TBCA: variants seen among roughly 807,000 people sequenced by gnomAD.
The protein encoded by TBCA is tubulin folding cofactor A.
TBCA carries 6 observed loss-of-function variants against 15.8 expected under a neutral mutation model. The ratio of observed to expected loss-of-function variants is 0.38; its 90% confidence interval spans 0.21 to 0.75. The LOEUF is 0.75. TBCA is among the 30% of genes least tolerant of loss of function. The pLI is 0.46. For synonymous variants in TBCA, 32 were observed against 42.3 expected, an observed-to-expected ratio of 0.76 and a Z score of 0.94; for missense variants, 90 against 131.2, an observed-to-expected ratio of 0.69 and a Z score of 1.53.
At chr5:77,711,980 A>C (rs1724603658) in intron 1 of TBCA, among the ~76,000 whole-genome samples, 1 of 152,174 alleles carries the variant, frequency 6.6e-6, no homozygotes, top group Non-Finnish European at 1.5e-5. Context: ...AAGAAAAAAA[A>C]AAAATCAGTC....
At chr5:77,765,754 C>T (rs973158709) in intron 1 of TBCA, among the ~76,000 whole-genome samples, 3 of 152,066 alleles carry the variant, frequency 2.0e-5, no homozygotes, top group Non-Finnish European at 4.4e-5. Context: ...CTTCCACACA[C>T]CTGAAATCCA....
chr5:77,735,113 T>C (rs1746868595), intron 1 of TBCA, among the ~76,000 whole-genome samples: 1 of 152,228 alleles, frequency 6.6e-6, no homozygotes, highest in Non-Finnish European at 1.5e-5. Flanking sequence ...TTTATTGTGA[T>C]GGTCTGGAAC....
At chr5:77,700,321 G>A (rs1460282536) in intron 2 of TBCA, among the ~76,000 whole-genome samples, 1 of 152,012 alleles carries the variant, frequency 6.6e-6, no homozygotes, top group South Asian at 2.1e-4. Context: ...AAGGGCATGT[G>A]TCTAGTATAT....
intron 1 of TBCA, among the ~76,000 whole-genome samples, chr5:77,749,044 T>A (rs1747255133): frequency 6.6e-6 from 1 of 152,238 alleles, no homozygotes; most frequent in South Asian, 2.1e-4. Context: ...TCTTGTAATG[T>A]CATGACTTTT....
At chr5:77,709,799 A>G (rs1746234332) in intron 1 of TBCA, among the ~76,000 whole-genome samples, 1 of 152,216 alleles carries the variant, frequency 6.6e-6, no homozygotes, top group African/African-American at 2.4e-5. Flanking sequence ...AAAATGTGGT[A>G]TATCCAGAAA....
chr5:77,706,538 G>A (rs973924673), intron 2 of TBCA, among the ~76,000 whole-genome samples: 2 of 152,106 alleles, frequency 1.3e-5, no homozygotes, highest in African/African-American at 4.8e-5. Context: ...GTGCTGGCTG[G>A]GTGCGGTGGC....
At chr5:77,692,253 T>G in intron 3 of TBCA, 2 of 985,362 alleles carry the variant, frequency 2.0e-6, no homozygotes, top group Non-Finnish European at 2.4e-6. Context: ...ATGTGTGTAT[T>G]TAATATGAAA....
intron 1 of TBCA, among the ~76,000 whole-genome samples, chr5:77,741,825 C>G (rs751086650): frequency 6.6e-6 from 1 of 151,992 alleles, no homozygotes; most frequent in Non-Finnish European, 1.5e-5. Context: ...GGAGAACTAC[C>G]CTGAGCTACT....
At chr5:77,693,509 G>A in intron 2 of TBCA, 157 bp from the exon 3 acceptor site, 2 of 962,244 alleles carry the variant, frequency 2.1e-6, no homozygotes, top group Non-Finnish European at 1.5e-6. Flanking sequence ...TTTATTAGAA[G>A]TTAGAAAGGC....
At chr5:77,761,430 G>A (rs1328132861) in intron 1 of TBCA, among the ~76,000 whole-genome samples, 5 of 152,056 alleles carry the variant, frequency 3.3e-5, no homozygotes, top group Non-Finnish European at 7.4e-5. Context: ...ACAGATGCTT[G>A]AAGGCAGCAT....
In TBCA at chr5:77,735,320, C is replaced by A. The variant is rs539745897; in HGVS notation, c.54-26973G>T. ...TTAATGCGAAAATCTACTCTACTTT[C>A]CCTCAAGGGGATTAATTTTTCAAAG... is the stretch of plus-strand genomic sequence containing the variant. On this transcript the variant is annotated intron_variant, in intron 1 of 3. Coordinates refer to ENST00000380377, the MANE Select transcript of TBCA (RefSeq NM_004607.3). 2.6e-5 allele frequency among the ~76,000 whole-genome samples: 4 copies of A among 152,256 alleles called. No individual in the cohort carries two copies. In the South Asian group the frequency reaches 8.3e-4, roughly 32 times the overall value.
chr5:77,723,039 G>A (rs1321851848), intron 1 of TBCA, among the ~76,000 whole-genome samples: 1 of 151,356 alleles, frequency 6.6e-6, no homozygotes, highest in Non-Finnish European at 1.5e-5. Context: ...GCTTACAACT[G>A]AATTCACATT....
intron 1 of TBCA, among the ~76,000 whole-genome samples, chr5:77,763,175 C>T (rs1001694348): frequency 6.6e-6 from 1 of 152,040 alleles, no homozygotes; most frequent in Non-Finnish European, 1.5e-5. Flanking sequence ...ACCCGGGAGG[C>T]GGAGCTTGCA....
At chr5:77,700,443 C>T (rs560997168) in intron 2 of TBCA, among the ~76,000 whole-genome samples, 2 of 152,006 alleles carry the variant, frequency 1.3e-5, no homozygotes, top group Admixed American at 6.5e-5. Context: ...AGCAAATAAG[C>T]ACATGAAAAA....
rs70991305 is a variant in TBCA at position 77,744,531 on chromosome 5, CTTTTTTTTTTTTT to C, written c.53+31661_53+31673del. Among the ~76,000 whole-genome samples the C allele has an allele frequency of 2.0e-4, 17 of 82,966 alleles. No homozygotes were observed. The South Asian group carries it at 8.4e-3, about 41-fold the overall frequency. 54.4% of individuals were successfully genotyped at this position (82,966 alleles called of 152,430 possible). On this transcript the variant is annotated intron_variant, in intron 1 of 3. Coordinates refer to ENST00000380377, the MANE Select transcript of TBCA (RefSeq NM_004607.3). ...CCAGAAAACAGAATGTCTTATTCAC[CTTTTTTTTTTTTT>C]TTTTTTTTTTGAGACAGAGTCTTGC...
At chr5:77,708,169 T>C (rs1330986132) in intron 2 of TBCA, 73 bp downstream of exon 2, 3 of 962,924 alleles carry the variant, frequency 3.1e-6, no homozygotes, top group African/African-American at 1.6e-5. Flanking sequence ...GTCAGAGGAC[T>C]ACTGTAAAAA....
chr5:77,765,063 C>A (rs190921168), intron 1 of TBCA, among the ~76,000 whole-genome samples: 37 of 151,738 alleles, frequency 2.4e-4, no homozygotes, highest in Non-Finnish European at 5.0e-4. Flanking sequence ...ACCTATTTTG[C>A]GAAAAATAAT....
At chr5:77,772,386 C>T (rs1160948422) in intron 1 of TBCA, among the ~76,000 whole-genome samples, 1 of 151,828 alleles carries the variant, frequency 6.6e-6, no homozygotes, top group African/African-American at 2.4e-5. Context: ...GATGACGGGT[C>T]GACAGGTGCA....
At chr5:77,730,954 ATCC>A (rs1257980025) in intron 1 of TBCA, among the ~76,000 whole-genome samples, 1 of 152,230 alleles carries the variant, frequency 6.6e-6, no homozygotes, top group African/African-American at 2.4e-5. Context: ...TTTAAGCAAT[ATCC>A]TCCTGATGAA....
Sources: gnomAD v4.1 joint callset for allele counts (sites outside exome capture counted in the v4.1 genomes callset) on GRCh38, gnomAD v4.1.1 for gene constraint, MANE v1.5 for transcripts, NCBI Gene and HGNC (gene_info 2026-07-23, HGNC 2026-07-21) for gene names.